Variants in STK32A observed in about 807,000 individuals in gnomAD.
The protein encoded by STK32A is serine/threonine kinase 32A, also known as serine/threonine-protein kinase 32A.
A neutral mutation model predicts 53.2 loss-of-function variants in STK32A; 41 were observed. The observed-to-expected ratio is 0.77, with a 90% CI of 0.60 to 1.00. The LOEUF (loss-of-function observed/expected upper bound fraction) is 1.00, where lower values mean the gene tolerates loss of function less well. STK32A is among the 50% of genes least tolerant of loss of function. The probability of loss-of-function intolerance (pLI) is 0.00; values close to 1 mark genes in which losing one functional copy is unlikely to be tolerated. For synonymous variants in STK32A, 166 were observed against 162.8 expected (o/e 1.02, Z -0.15); for missense variants, 458 against 485.8 (o/e 0.94, Z 0.54).
At chr5:147,298,390 T>A (rs1034031665) in intron 4 of STK32A, among the ~76,000 whole-genome samples, 4 of 152,252 alleles carry the variant, frequency 2.6e-5, no homozygotes, top group South Asian at 2.1e-4. Flanking sequence ...GTTCTAAAAC[T>A]AGCTTTTTCT....
At chr5:147,338,220 G>T (rs1018009604) in intron 5 of STK32A, among the ~76,000 whole-genome samples, 1 of 152,114 alleles carries the variant, frequency 6.6e-6, no homozygotes, top group Non-Finnish European at 1.5e-5. Context: ...TTTTTCCAAT[G>T]CTGTTCTTGT....
chr5:147,263,129 T>A (rs1754657369), intron 2 of STK32A, among the ~76,000 whole-genome samples: 1 of 152,156 alleles, frequency 6.6e-6, no homozygotes, highest in Non-Finnish European at 1.5e-5. Context: ...TACTGGATAC[T>A]GGGGCACCCA....
chr5:147,294,849 A>AT (rs988997030), intron 4 of STK32A, among the ~76,000 whole-genome samples: 2 of 151,610 alleles, frequency 1.3e-5, no homozygotes, highest in Non-Finnish European at 2.9e-5. Flanking sequence ...ACACCTGGCT[A>AT]TTTTTTTGTA....
intron 4 of STK32A, among the ~76,000 whole-genome samples, chr5:147,308,753 G>T (rs1269590141): frequency 6.7e-6 from 1 of 149,644 alleles, no homozygotes. Flanking sequence ...ACATGAATGA[G>T]TACAATATTT....
intron 1 of STK32A, among the ~76,000 whole-genome samples, chr5:147,237,864 T>G (rs1753392163): frequency 6.6e-6 from 1 of 152,198 alleles, no homozygotes; most frequent in Non-Finnish European, 1.5e-5. Context: ...GTTTCATAAG[T>G]TCTTTTTCAA....
At chr5:147,240,860 TAGAGTGGTACCCTC>T (rs930318630) in intron 2 of STK32A, among the ~76,000 whole-genome samples, 1 of 152,204 alleles carries the variant, frequency 6.6e-6, no homozygotes, top group African/African-American at 2.4e-5. Context: ...TTCCCATTTC[TAGAGTGGTACCCTC>T]AGAGTGGCTA....
intron 11 of STK32A, among the ~76,000 whole-genome samples, chr5:147,377,366 C>T (rs964599891): frequency 2.0e-4 from 30 of 152,030 alleles, no homozygotes; most frequent in African/African-American, 5.8e-4. Flanking sequence ...ATATTCAAGA[C>T]GGTTGTTTTA....
intron 11 of STK32A, among the ~76,000 whole-genome samples, chr5:147,381,953 G>A (rs1032752211): frequency 2.0e-5 from 3 of 152,034 alleles, no homozygotes; most frequent in Non-Finnish European, 4.4e-5. Flanking sequence ...TAACACTAAC[G>A]ATAGCTGATG....
downstream of STK32A, among the ~76,000 whole-genome samples, chr5:147,389,318 T>G (rs575018655): frequency 2.0e-5 from 3 of 152,240 alleles, no homozygotes; most frequent in African/African-American, 7.2e-5. Flanking sequence ...CCATCCCTCT[T>G]CAGTTATCAC....
chr5:147,240,253 G>A (rs981006304), intron 2 of STK32A: 1 of 152,492 alleles, frequency 6.6e-6, no homozygotes, highest in Non-Finnish European at 1.5e-5. Context: ...CCATCAGTGA[G>A]GCATGCTGGA....
At chr5:147,302,742 C>G (rs753914576) in intron 4 of STK32A, among the ~76,000 whole-genome samples, 1 of 152,164 alleles carries the variant, frequency 6.6e-6, no homozygotes, top group Admixed American at 6.5e-5. Context: ...GAATTGCAGA[C>G]ATGCCATGCG....
At chr5:147,383,828 C>G in intron 12 of STK32A, 62 bp from the exon 13 acceptor site, 3 of 1,320,248 alleles carry the variant, frequency 2.3e-6, no homozygotes, top group Non-Finnish European at 3.1e-6. Flanking sequence ...ATTTCAAAAG[C>G]TTAAACCTTT....
At chr5:147,295,568 T>A (rs1752830178) in intron 4 of STK32A, among the ~76,000 whole-genome samples, 1 of 152,250 alleles carries the variant, frequency 6.6e-6, no homozygotes, top group South Asian at 2.1e-4. Context: ...GGATTTGAGT[T>A]ACTTTCTATT....
intron 7 of STK32A, among the ~76,000 whole-genome samples, chr5:147,360,461 A>AG (rs1756450405): frequency 6.9e-6 from 1 of 144,456 alleles, no homozygotes; most frequent in Non-Finnish European, 1.5e-5. Flanking sequence ...AAAAAAAAAA[A>AG]AAAAAAGAAA....
In STK32A at chr5:147,384,335, T is replaced by G; in HGVS notation, c.*352T>G. 1 of 1,459,200 alleles carries G rather than the reference T, an allele frequency of 6.9e-7. No individual in the cohort carries two copies. The highest frequency in any genetic ancestry group is 9.1e-7 in the Non-Finnish European group (1 of 1,099,654). 90.4% of individuals were successfully genotyped at this position (1,459,200 alleles called of 1,614,324 possible). On this transcript the variant is annotated 3_prime_UTR_variant, in exon 13 of 13. Coordinates refer to ENST00000397936, the MANE Select transcript of STK32A (RefSeq NM_001112724.2). Reference sequence around the variant, plus strand: ...TTATTTTTATTTTAAAATTAATATATGAATATAGATTTATTTTTCCACTCC... The same window carrying G: ...TTATTTTTATTTTAAAATTAATATAGGAATATAGATTTATTTTTCCACTCC...
At chr5:147,282,209 A>C (rs1053591112) in intron 4 of STK32A, among the ~76,000 whole-genome samples, 9 of 151,704 alleles carry the variant, frequency 5.9e-5, no homozygotes, top group African/African-American at 2.2e-4. Flanking sequence ...AAAAGCAAAA[A>C]CAAAACCAAA....
intron 5 of STK32A, among the ~76,000 whole-genome samples, chr5:147,327,274 A>T (rs933353593): frequency 3.3e-5 from 5 of 152,164 alleles, no homozygotes; most frequent in Non-Finnish European, 4.4e-5. Flanking sequence ...TCTTTTTTAA[A>T]CCTCCTTCTT....
rs531700518 is a variant in STK32A at position 147,300,656 on chromosome 5, A to G, written c.260+21258A>G. On this transcript the variant is annotated intron_variant, in intron 4 of 12. Transcript: ENST00000397936. ...ATGCCAATGTCATTTGCACACTCAC[A>G]AACATACCCTCATATAATCATATGC... Among the ~76,000 whole-genome samples the G allele has an allele frequency of 3.9e-5, 6 of 152,342 alleles. No individual in the cohort carries two copies. In the East Asian group the frequency reaches 1.2e-3, roughly 29 times the overall value.
intron 2 of STK32A, among the ~76,000 whole-genome samples, chr5:147,256,413 G>A (rs912805171): frequency 1.3e-5 from 2 of 152,182 alleles, no homozygotes; most frequent in African/African-American, 4.8e-5. Context: ...TAGTGGAAAG[G>A]GGACAATCTG....
Sources: allele counts gnomAD v4.1 joint callset (sites outside exome capture counted in the v4.1 genomes callset), GRCh38; gene constraint gnomAD v4.1.1; transcripts MANE v1.5; gene names NCBI Gene and HGNC (gene_info 2026-07-23, HGNC 2026-07-21).